Variants in FAF1 observed in about 807,000 individuals in gnomAD.
FAF1 encodes Fas associated factor 1, also known as FAS-associated factor 1.
Under a neutral mutation model 92.5 loss-of-function variants are expected in FAF1, and 25 were observed. That is an observed-to-expected ratio of 0.27 (90% CI 0.20 to 0.38). The LOEUF (loss-of-function observed/expected upper bound fraction) is 0.38, where lower values mean the gene tolerates loss of function less well. FAF1 is among the 10% of genes least tolerant of loss of function. The pLI is 1.00. For synonymous variants in FAF1, 234 were observed against 273.2 expected (o/e 0.86, Z 1.42); for missense variants, 636 against 793.3 (o/e 0.80, Z 2.38).
intron 2 of FAF1, among the ~76,000 whole-genome samples, chr1:50,813,450 A>G (rs1247828793): frequency 2.0e-5 from 3 of 152,166 alleles, no homozygotes; most frequent in South Asian, 4.1e-4. Context: ...GTGCTATTTT[A>G]TGCTTTCCTT....
At chr1:50,881,373 G>A (rs1426225525) in intron 1 of FAF1, among the ~76,000 whole-genome samples, 1 of 152,110 alleles carries the variant, frequency 6.6e-6, no homozygotes, top group Middle Eastern at 3.2e-3. Flanking sequence ...CAGTCTGGAA[G>A]GCTACTTTCA....
rs1460539868 is a variant in FAF1 at position 50,960,243 on chromosome 1, C to T, written c.-432G>A. ...CGCCTCCGCCTCCTCCGCTTCCTCC[C>T]TGGCCGCCGCCTCCGCCCCTGGTTG... On this transcript the variant is annotated 5_prime_UTR_variant, in exon 1 of 19. Coordinates refer to ENST00000396153, the MANE Select transcript of FAF1 (RefSeq NM_007051.3). 5 of 332,924 alleles carry T rather than the reference C, an allele frequency of 1.5e-5. No individual in the cohort carries two copies. The highest frequency in any genetic ancestry group is 4.9e-5 in the Admixed American group (1 of 20,522). The allele number at this position is 332,924 out of a possible 1,614,324, so 20.6% of individuals were successfully genotyped here. A position where few individuals can be genotyped will look rare whatever the true frequency, so the allele number is the denominator to read the frequency against.
chr1:50,910,622 G>C (rs1464514302), intron 1 of FAF1, among the ~76,000 whole-genome samples: 1 of 151,938 alleles, frequency 6.6e-6, no homozygotes, highest in East Asian at 1.9e-4. Flanking sequence ...TGGCCTTGCA[G>C]TTCGATCTCA....
At chr1:50,797,031 G>A (rs1661779093) in intron 3 of FAF1, among the ~76,000 whole-genome samples, 1 of 152,158 alleles carries the variant, frequency 6.6e-6, no homozygotes, top group South Asian at 2.1e-4. Flanking sequence ...AGCTACTCAG[G>A]AGGCTGATGT....
At chr1:50,769,355 T>C (rs1343625994) in intron 4 of FAF1, among the ~76,000 whole-genome samples, 1 of 152,198 alleles carries the variant, frequency 6.6e-6, no homozygotes, top group Non-Finnish European at 1.5e-5. Flanking sequence ...AGTTGAGTTC[T>C]ACCAGATGCA....
At chr1:50,872,987 A>T (rs1644541122) in intron 1 of FAF1, among the ~76,000 whole-genome samples, 1 of 152,156 alleles carries the variant, frequency 6.6e-6, no homozygotes, top group Non-Finnish European at 1.5e-5. Context: ...AGCAAATGTA[A>T]TTGTTGTCTT....
At chr1:50,537,129 C>T (rs116419094) in intron 14 of FAF1, among the ~76,000 whole-genome samples, 2,014 of 152,096 alleles carry the variant, frequency 0.013, 35 homozygotes, top group African/African-American at 0.047. Flanking sequence ...CTCTGGGTTT[C>T]TATGTTTTAT....
At chr1:50,926,718 A>C (rs1267156270) in intron 1 of FAF1, among the ~76,000 whole-genome samples, 2 of 152,224 alleles carry the variant, frequency 1.3e-5, no homozygotes, top group Non-Finnish European at 2.9e-5. Flanking sequence ...TAAACTAAAA[A>C]TACAAGGGAA....
intron 18 of FAF1, among the ~76,000 whole-genome samples, chr1:50,454,819 A>G (rs1041613533): frequency 6.6e-6 from 1 of 152,216 alleles, no homozygotes; most frequent in African/African-American, 2.4e-5. Context: ...TTATTTGTTT[A>G]TGAGTCTGTC....
At chr1:50,874,661 C>CT (rs1480188588) in intron 1 of FAF1, among the ~76,000 whole-genome samples, 1 of 151,824 alleles carries the variant, frequency 6.6e-6, no homozygotes, top group Non-Finnish European at 1.5e-5. Flanking sequence ...GCACAGCCAA[C>CT]TGCCCTATAT....
intron 2 of FAF1, among the ~76,000 whole-genome samples, chr1:50,853,095 T>TAA (rs1644363874): frequency 6.6e-6 from 1 of 152,170 alleles, no homozygotes; most frequent in Admixed American, 6.5e-5. Flanking sequence ...AGACTCATTA[T>TAA]TATCAATGGT....
At chr1:50,524,835 T>A (rs975546546) in intron 15 of FAF1, among the ~76,000 whole-genome samples, 1 of 152,170 alleles carries the variant, frequency 6.6e-6, no homozygotes, top group Non-Finnish European at 1.5e-5. Flanking sequence ...TCCATCTTTG[T>A]TATTTTTGCT....
chr1:50,541,494 G>A (rs1250475396), intron 13 of FAF1, among the ~76,000 whole-genome samples: 1 of 152,042 alleles, frequency 6.6e-6, no homozygotes, highest in Admixed American at 6.6e-5. Flanking sequence ...TAGAAAATTA[G>A]GATCTTTTTG....
intron 2 of FAF1, among the ~76,000 whole-genome samples, chr1:50,809,758 T>TAA (rs1387646110): frequency 1.3e-5 from 2 of 152,340 alleles, no homozygotes; most frequent in East Asian, 3.9e-4. Flanking sequence ...GACTCCTCCC[T>TAA]AACTCACTGT....
chr1:50,871,005 G>C (rs925797144), intron 1 of FAF1, among the ~76,000 whole-genome samples: 3 of 152,220 alleles, frequency 2.0e-5, no homozygotes, highest in Non-Finnish European at 4.4e-5. Context: ...TTACTCTAGT[G>C]AATATACAAA....
At chr1:50,872,646 C>T (rs1644537795) in intron 1 of FAF1, among the ~76,000 whole-genome samples, 1 of 152,104 alleles carries the variant, frequency 6.6e-6, no homozygotes, top group South Asian at 2.1e-4. Flanking sequence ...CCTATAATCC[C>T]AGCACTTTGG....
At chr1:50,634,240 C>T (rs1489074622) in intron 8 of FAF1, among the ~76,000 whole-genome samples, 1 of 150,264 alleles carries the variant, frequency 6.7e-6, no homozygotes, top group Non-Finnish European at 1.5e-5. Context: ...TCTATTTTTG[C>T]ACATCAAAAA....
intron 13 of FAF1, among the ~76,000 whole-genome samples, chr1:50,556,142 G>T (rs1649566278): frequency 6.6e-6 from 1 of 151,094 alleles, no homozygotes; most frequent in Admixed American, 6.6e-5. Flanking sequence ...GGAGGCTGAG[G>T]CAGGAGACTG....
At chr1:50,948,534 C>CTTT (rs1167611825) in intron 1 of FAF1, among the ~76,000 whole-genome samples, 2 of 139,058 alleles carry the variant, frequency 1.4e-5, no homozygotes, top group Admixed American at 7.2e-5. Flanking sequence ...TTTTCTTTTT[C>CTTT]TTTTTTTTTT....
Sources: gnomAD v4.1 joint callset for allele counts (sites outside exome capture counted in the v4.1 genomes callset) on GRCh38, gnomAD v4.1.1 for gene constraint, MANE v1.5 for transcripts, NCBI Gene and HGNC (gene_info 2026-07-23, HGNC 2026-07-21) for gene names.